The following DYM variants were observed in gnomAD, a reference collection of about 807,000 sequenced individuals.
The protein encoded by DYM is dyggve-Melchior-Clausen syndrome protein.
A neutral mutation model predicts 93.1 loss-of-function variants in DYM; 78 were observed. That is an observed-to-expected ratio of 0.84 (90% CI 0.70 to 1.01). DYM has a LOEUF of 1.01. Ranked by LOEUF, DYM falls within the 50% of genes least tolerant of loss-of-function variation. The probability of loss-of-function intolerance (pLI) is 0.00; values close to 1 mark genes in which losing one functional copy is unlikely to be tolerated. For synonymous variants in DYM, 321 were observed against 319.7 expected (o/e 1.00, Z -0.04); for missense variants, 789 against 845.0 (o/e 0.93, Z 0.82).
At position 49,037,383 on chromosome 18, in the gene DYM, A is replaced by G. The variant is rs566908565; in HGVS notation, c.*6672T>C. ...AACATTTAAATATATATGTGTGTGT[A>G]TATATATATATGAACAATAGACACT... is the stretch of plus-strand genomic sequence containing the variant. On this transcript the variant is annotated 3_prime_UTR_variant, in exon 18 of 18. Transcript: ENST00000675505. Among the ~76,000 whole-genome samples, 126 of 151,774 alleles carry G rather than the reference A, an allele frequency of 8.3e-4. No individual in the cohort carries two copies. Among genetic ancestry groups the G allele is most frequent in the African/African-American group, 2.9e-3 (121 of 41,420 alleles).
intron 2 of DYM, among the ~76,000 whole-genome samples, chr18:49,399,641 C>A (rs2070532723): frequency 6.6e-6 from 1 of 152,162 alleles, no homozygotes; most frequent in African/African-American, 2.4e-5. Context: ...CACCCCAACA[C>A]CCAACAGCTC....
chr18:49,267,895 TCAAACAAA>T lies in DYM; in HGVS notation c.1251+4275_1251+4282del, dbSNP rs199695670. Among the ~76,000 whole-genome samples, 224 of 149,702 alleles carry T rather than the reference TCAAACAAA, an allele frequency of 1.5e-3. 1 individual carries two copies. The highest frequency in any genetic ancestry group is 4.7e-3 in the African/African-American group (195 of 41,288). ...CTGGGAGACAAAGCGAGACTGTGTC[TCAAACAAA>T]CAAACAAACAAACAAACAAAAGTAT... On this transcript the variant is annotated intron_variant, in intron 11 of 17. Transcript: ENST00000675505.
At chr18:49,375,284 TAC>T (rs1481365494) in intron 5 of DYM, among the ~76,000 whole-genome samples, 1 of 151,054 alleles carries the variant, frequency 6.6e-6, no homozygotes, top group African/African-American at 2.4e-5. Context: ...TAAACATATA[TAC>T]ACATATATAT....
chr18:49,044,005 C>T lies in DYM; in HGVS notation c.*50G>A, dbSNP rs530994341. 6 of 1,609,154 alleles carry T rather than the reference C, an allele frequency of 3.7e-6. No individual in the cohort carries two copies. Among genetic ancestry groups the T allele is most frequent in the Admixed American group, 1.7e-5 (1 of 59,752 alleles). On this transcript the variant is annotated 3_prime_UTR_variant, in exon 18 of 18. Coordinates refer to ENST00000675505, the MANE Select transcript of DYM (RefSeq NM_001353214.3). ...CTTCTGTTACCCAGAAATAAAAGAACTTGAAGGGCTGCTTGGCTGGAGGGG... is the reference window on the plus strand; with the variant it reads ...CTTCTGTTACCCAGAAATAAAAGAATTTGAAGGGCTGCTTGGCTGGAGGGG...
At chr18:49,423,113 A>C (rs1261676304) in intron 2 of DYM, among the ~76,000 whole-genome samples, 2 of 152,240 alleles carry the variant, frequency 1.3e-5, no homozygotes, top group Non-Finnish European at 2.9e-5. Context: ...ACCACATAGC[A>C]CTTATTCCAA....
rs533682603 is a variant in DYM, at chr18:49,295,036, A to G, written c.764-8420T>C. Among the ~76,000 whole-genome samples, 16 of 152,246 alleles carry G rather than the reference A, an allele frequency of 1.1e-4. No individual in the cohort carries two copies. The South Asian group carries it at 3.3e-3, about 32-fold the overall frequency. ...AGGGTCAGGTCCCATGCTAGGAACC[A>G]AAAATACAAAGAAGAAACACTCTTC... On this transcript the variant is annotated intron_variant, in intron 8 of 17. Transcript: ENST00000675505.
intron 2 of DYM, among the ~76,000 whole-genome samples, chr18:49,421,274 G>T (rs577713857): frequency 1.4e-4 from 21 of 152,208 alleles, no homozygotes; most frequent in Admixed American, 6.5e-4. Flanking sequence ...CACCTCATAC[G>T]GCCAGGTGCC....
At chr18:49,069,305 A>G (rs1237518476) in intron 17 of DYM, among the ~76,000 whole-genome samples, 4 of 152,226 alleles carry the variant, frequency 2.6e-5, no homozygotes, top group African/African-American at 7.2e-5. Flanking sequence ...AAAGAAAATC[A>G]TTCAGCAATT....
At chr18:49,114,151 T>C (rs2081701756) in intron 16 of DYM, among the ~76,000 whole-genome samples, 1 of 152,224 alleles carries the variant, frequency 6.6e-6, no homozygotes, top group African/African-American at 2.4e-5. Context: ...TGTATATTAA[T>C]AGCATCTGAG....
At chr18:49,060,056 T>C (rs1259736290) in intron 17 of DYM, among the ~76,000 whole-genome samples, 3 of 152,228 alleles carry the variant, frequency 2.0e-5, no homozygotes, top group Non-Finnish European at 4.4e-5. Flanking sequence ...TTAAGGATCT[T>C]AACATTTACT....
At chr18:49,129,484 A>C (rs1285847236) in intron 15 of DYM, among the ~76,000 whole-genome samples, 1 of 152,226 alleles carries the variant, frequency 6.6e-6, no homozygotes, top group African/African-American at 2.4e-5. Context: ...AAGGAACACA[A>C]ACATTCACCT....
intron 16 of DYM, among the ~76,000 whole-genome samples, chr18:49,108,853 C>T (rs1283380417): frequency 1.3e-5 from 2 of 152,088 alleles, no homozygotes; most frequent in Non-Finnish European, 2.9e-5. Context: ...GTCTTCTTGC[C>T]ATTCTATCAG....
chr18:49,397,530 G>A (rs1266395819), intron 2 of DYM, among the ~76,000 whole-genome samples: 1 of 152,206 alleles, frequency 6.6e-6, no homozygotes, highest in Non-Finnish European at 1.5e-5. Context: ...CAATACACAT[G>A]GTGCAGTAAA....
intron 15 of DYM, chr18:49,126,450 T>C (rs929774397): frequency 6.6e-6 from 1 of 152,234 alleles, no homozygotes; most frequent in Non-Finnish European, 1.5e-5. Context: ...TCAGACATCC[T>C]TGGTAATAAA....
intron 4 of DYM, 88 bp from the exon 5 acceptor site, chr18:49,378,788 A>C (rs140561268): frequency 6.3e-5 from 89 of 1,413,222 alleles, no homozygotes; most frequent in Admixed American, 8.6e-5. Flanking sequence ...CTGATTTGAC[A>C]ACCGTTTTGT....
chr18:49,235,127 T>C (rs80329811), intron 13 of DYM, among the ~76,000 whole-genome samples: 1,642 of 152,334 alleles, frequency 0.011, 29 homozygotes, highest in African/African-American at 0.038. Flanking sequence ...CCAAGTCAGA[T>C]TTCTGATCTA....
intron 6 of DYM, among the ~76,000 whole-genome samples, chr18:49,358,205 G>C (rs986651436): frequency 3.3e-5 from 5 of 152,162 alleles, no homozygotes; most frequent in African/African-American, 1.2e-4. Flanking sequence ...CACAGAATGA[G>C]AGGGCAGCTA....
intron 8 of DYM, among the ~76,000 whole-genome samples, chr18:49,293,955 C>T (rs1292771394): frequency 1.3e-5 from 2 of 152,146 alleles, no homozygotes; most frequent in Non-Finnish European, 2.9e-5. Context: ...TTAGGTCTTA[C>T]ATTTAGCTCT....
intron 17 of DYM, among the ~76,000 whole-genome samples, chr18:49,061,439 T>C (rs1455049453): frequency 1.3e-5 from 2 of 152,056 alleles, no homozygotes; most frequent in African/African-American, 2.4e-5. Context: ...AATGTGAAAA[T>C]AGCTTGGAAG....
Sources: allele counts gnomAD v4.1 joint callset (sites outside exome capture counted in the v4.1 genomes callset), GRCh38; gene constraint gnomAD v4.1.1; transcripts MANE v1.5; gene names NCBI Gene and HGNC (gene_info 2026-07-23, HGNC 2026-07-21).